Variants in CPM observed in about 807,000 individuals in gnomAD.
CPM encodes renal carboxypeptidase.
CPM carries 35 observed loss-of-function variants against 46.4 expected under a neutral mutation model. The ratio of observed to expected loss-of-function variants is 0.75; its 90% CI spans 0.58 to 1.00. CPM has a LOEUF of 1.00. Ranked by LOEUF, CPM falls within the 50% of genes least tolerant of loss-of-function variation. CPM has a pLI of 0.00. For synonymous variants in CPM, 195 were observed against 195.3 expected (o/e 1.00, Z 0.01); for missense variants, 422 against 530.4 (o/e 0.80, Z 2.01).
At chr12:68,936,385 C>T (rs951826998), upstream of CPM, among the ~76,000 whole-genome samples, 1 of 151,732 alleles carries the variant, frequency 6.6e-6, no homozygotes, top group South Asian at 2.1e-4. Context: ...GATCTTCTTT[C>T]TTTCTTCTTT....
intron 3 of CPM, among the ~76,000 whole-genome samples, chr12:68,874,547 C>A (rs762147042): frequency 2.0e-5 from 3 of 151,780 alleles, no homozygotes; most frequent in Non-Finnish European, 4.4e-5. Flanking sequence ...ACCTAGGAGG[C>A]GGAGGTTGCA....
rs368599458 is a variant in CPM at position 68,945,162 on chromosome 12, T to A, written c.-3-12322A>T. Among the ~76,000 whole-genome samples the A allele has an allele frequency of 1.6e-4, 25 of 152,206 alleles. No homozygotes were observed. In the South Asian group the frequency reaches 5.2e-3, roughly 32 times the overall value. On this transcript the variant is annotated intron_variant, in intron 1 of 8. Coordinates refer to the CPM transcript ENST00000546373. ...TACCTATACTTTAGCAGAATTCAGG[T>A]CCCTCCAATAACCCTAATCTTGTGG...
chr12:68,887,246 T>C (rs1449992963), intron 2 of CPM, among the ~76,000 whole-genome samples: 1 of 152,226 alleles, frequency 6.6e-6, no homozygotes, highest in African/African-American at 2.4e-5. Flanking sequence ...CCGTCATGTA[T>C]GTACAAAGTT....
chr12:68,856,109 C>T lies in CPM; in HGVS notation c.*328G>A, dbSNP rs576004228. The T allele has an allele frequency of 1.4e-5, 4 of 284,242 alleles. No homozygotes were observed. Among genetic ancestry groups the T allele is most frequent in the South Asian group, 1.2e-4 (2 of 17,276 alleles). The allele number at this position is 284,242 out of a possible 1,614,324, so 17.6% of individuals were successfully genotyped here. The stretch of plus-strand genomic sequence containing the variant: ...TTATATTCATCCGGTTCTCTGTATA[C>T]AAAATGATCTTCTTTTTGCAGGCAT... On this transcript the variant is annotated 3_prime_UTR_variant, in exon 9 of 9. Transcript: ENST00000551568.
intron 8 of CPM, among the ~76,000 whole-genome samples, chr12:68,858,375 T>C (rs4913470): frequency 0.09 from 13,714 of 152,188 alleles, 937 homozygotes; most frequent in East Asian, 0.35. Context: ...TCGGATAAAA[T>C]GACTCAGAAA....
chr12:68,868,938 C>A (rs112376462), intron 6 of CPM, among the ~76,000 whole-genome samples: 3,568 of 152,244 alleles, frequency 0.023, 143 homozygotes, highest in African/African-American at 0.082. Flanking sequence ...TGGCTCTGTG[C>A]ACCCTTGGGG....
Position 68,869,373 on chromosome 12 carries a change from T to G in CPM, c.739A>C (p.Asn247His). ...KKGDECKNKM[N>H]FPNGVTNGYS... ...CCATTTGTAACACCATTAGGAAAGT[T>G]CATTTTGTTTTTACACTCGTCTCCT... Residue 247 changes from asparagine to histidine, a missense_variant, in exon 6 of 9, where the codon AAC (asparagine) becomes CAC (histidine). Transcript: ENST00000551568. The G allele has an allele frequency of 6.2e-7, 1 of 1,614,028 alleles. No homozygotes were observed.
intron 2 of CPM, among the ~76,000 whole-genome samples, chr12:68,896,911 TG>T (rs1215902097): frequency 1.3e-5 from 2 of 149,954 alleles, no homozygotes; most frequent in African/African-American, 5.0e-5. Context: ...CGTTTTTAAT[TG>T]AAAAAAAAAA....
At chr12:68,902,835 A>G (rs1046996948) in intron 2 of CPM, among the ~76,000 whole-genome samples, 1 of 152,124 alleles carries the variant, frequency 6.6e-6, no homozygotes, top group Non-Finnish European at 1.5e-5. Context: ...TTCTATTACT[A>G]CCTCAGAGGC....
chr12:68,890,557 G>A (rs1193137403), intron 2 of CPM, among the ~76,000 whole-genome samples: 1 of 152,220 alleles, frequency 6.6e-6, no homozygotes, highest in African/African-American at 2.4e-5. Context: ...AAAGATCTGT[G>A]CTCTTCTGAG....
chr12:68,874,374 G>A (rs1885845880), intron 3 of CPM, among the ~76,000 whole-genome samples: 1 of 152,080 alleles, frequency 6.6e-6, no homozygotes, highest in East Asian at 1.9e-4. Context: ...CCAGCACTTT[G>A]GGAGGCCGAG....
chr12:68,899,016 A>T (rs1887004540), intron 2 of CPM, among the ~76,000 whole-genome samples: 1 of 152,236 alleles, frequency 6.6e-6, no homozygotes, highest in African/African-American at 2.4e-5. Flanking sequence ...CCAATTAAAG[A>T]CAAATTTTCA....
intron 3 of CPM, among the ~76,000 whole-genome samples, chr12:68,873,486 C>T (rs1024381458): frequency 7.2e-5 from 11 of 151,986 alleles, no homozygotes; most frequent in South Asian, 4.2e-4. Context: ...GGCAATATAG[C>T]GAGATCCCAT....
At chr12:68,931,038 T>C (rs556016371) in intron 2 of CPM, among the ~76,000 whole-genome samples, 40 of 152,332 alleles carry the variant, frequency 2.6e-4, no homozygotes, top group African/African-American at 9.4e-4. Flanking sequence ...TGAATACGTA[T>C]GCTGATTCAA....
chr12:68,945,421 C>T (rs1172496328), intron 1 of CPM, among the ~76,000 whole-genome samples: 4 of 152,208 alleles, frequency 2.6e-5, no homozygotes, highest in Non-Finnish European at 5.9e-5. Flanking sequence ...AGTTCCCTCC[C>T]TTGTGCTTCA....
chr12:68,962,852 T>C (rs116356118), intron 1 of CPM, among the ~76,000 whole-genome samples: 6,367 of 152,320 alleles, frequency 0.042, 436 homozygotes, highest in African/African-American at 0.14. Flanking sequence ...AATAACTCTT[T>C]CAACCAATTG....
At chr12:68,908,677 T>C (rs1424939109) in intron 2 of CPM, among the ~76,000 whole-genome samples, 1 of 152,082 alleles carries the variant, frequency 6.6e-6, no homozygotes, top group Admixed American at 6.6e-5. Flanking sequence ...CATAAAAATA[T>C]TGAAAAGGGT....
At position 68,858,914 on chromosome 12, in the gene CPM, C is replaced by A; in HGVS notation, c.1089+9G>T. Reference sequence around the variant, plus strand: ...ATTTTAATAACAATAACTAGCATTGCATACTTACATTTATTATATAAGACC... The same window carrying A: ...ATTTTAATAACAATAACTAGCATTGAATACTTACATTTATTATATAAGACC... On this transcript the variant is annotated intron_variant, in intron 8 of 8. Coordinates refer to ENST00000551568, the MANE Select transcript of CPM (RefSeq NM_198320.5). The A allele has an allele frequency of 7.0e-7, 1 of 1,429,622 alleles. No homozygotes were observed. Among genetic ancestry groups the A allele is most frequent in the South Asian group, 1.6e-5 (1 of 60,956 alleles). The allele number at this position is 1,429,622 out of a possible 1,614,324, so 88.6% of individuals were successfully genotyped here.
intron 1 of CPM, among the ~76,000 whole-genome samples, chr12:68,958,754 C>T (rs190404351): frequency 1.3e-5 from 2 of 152,268 alleles, no homozygotes; most frequent in African/African-American, 2.4e-5. Context: ...CTTCTAGTCA[C>T]ACTCAGAATC....
Sources: allele counts gnomAD v4.1 joint callset (sites outside exome capture counted in the v4.1 genomes callset), GRCh38; gene constraint gnomAD v4.1.1; transcripts MANE v1.5; gene names NCBI Gene and HGNC (gene_info 2026-07-23, HGNC 2026-07-21).